The following LCLAT1 variants were observed in gnomAD, a reference collection of about 807,000 sequenced individuals.
LCLAT1 encodes lysocardiolipin acyltransferase 1, also known as 1-AGP acyltransferase 8.
LCLAT1 carries 11 observed loss-of-function variants against 30.7 expected under a neutral mutation model. That is an observed-to-expected ratio of 0.36 (90% CI 0.23 to 0.59). The LOEUF (loss-of-function observed/expected upper bound fraction) is 0.59. Among genes scored for constraint, LCLAT1 ranks in the 20% least tolerant of loss-of-function variants. The probability of loss-of-function intolerance (pLI) is 0.77; values close to 1 mark genes in which losing one functional copy is unlikely to be tolerated. For missense variants in LCLAT1, 402 were observed against 458.6 expected (o/e 0.88, Z 1.13); for synonymous variants, 155 against 151.3 (o/e 1.02, Z -0.18).
At chr2:30,464,614 A>C (rs949977243) in intron 1 of LCLAT1, among the ~76,000 whole-genome samples, 8 of 152,192 alleles carry the variant, frequency 5.3e-5, no homozygotes, top group Admixed American at 3.3e-4. Context: ...TGAGACTACA[A>C]AATTTGAGCA....
intron 1 of LCLAT1, among the ~76,000 whole-genome samples, chr2:30,502,367 T>G (rs1218248666): frequency 2.0e-5 from 3 of 152,236 alleles, no homozygotes; most frequent in Non-Finnish European, 2.9e-5. Flanking sequence ...TTATTTTTTT[T>G]GTTTTGAAAT....
At chr2:30,610,799 T>C (rs1343412660) in intron 5 of LCLAT1, among the ~76,000 whole-genome samples, 2 of 152,184 alleles carry the variant, frequency 1.3e-5, no homozygotes, top group Non-Finnish European at 2.9e-5. Context: ...AGAAGTTCAG[T>C]GTTATTAAAA....
intron 1 of LCLAT1, among the ~76,000 whole-genome samples, chr2:30,451,477 C>A (rs543146880): frequency 5.1e-4 from 77 of 152,306 alleles, no homozygotes; most frequent in Non-Finnish European, 9.6e-4. Context: ...TATTCATAAT[C>A]AAAAATTGGA....
At chr2:30,471,427 C>T (rs759656251) in intron 1 of LCLAT1, among the ~76,000 whole-genome samples, 1 of 152,050 alleles carries the variant, frequency 6.6e-6, no homozygotes, top group Admixed American at 6.5e-5. Flanking sequence ...CCAGGCTGGT[C>T]TTGAACTCCT....
At chr2:30,614,764 G>A (rs1050689765) in intron 5 of LCLAT1, among the ~76,000 whole-genome samples, 8 of 152,118 alleles carry the variant, frequency 5.3e-5, no homozygotes, top group African/African-American at 1.4e-4. Context: ...GACTGAAAGA[G>A]ATCACCTAAG....
Position 30,640,314 on chromosome 2 carries a change from A to G in LCLAT1, c.826A>G (p.Arg276Gly). 6.2e-7 allele frequency: 1 copy of G among 1,614,202 alleles called. No individual in the cohort carries two copies. Among genetic ancestry groups the G allele is most frequent in the East Asian group, 2.2e-5 (1 of 44,882 alleles). ...CAAACGGTGGGAAGAGAAAGAAGAG[A>G]GGCTGCGTTCCTTCTATCAAGGGGA... ...CHKRWEEKEE[R>G]LRSFYQGEKN... The change falls in exon 6 of 6, where the codon AGG becomes GGG. Residue 276 changes from arginine to glycine, a missense_variant. Transcript: ENST00000379509.
chr2:30,525,846 A>G (rs1685692414), intron 2 of LCLAT1, 91 bp downstream of exon 2: 3 of 1,116,628 alleles, frequency 2.7e-6, no homozygotes, highest in Non-Finnish European at 4.0e-6. Flanking sequence ...TCAAGTCCCT[A>G]CAGTATTTGC....
chr2:30,476,453 G>A (rs760809069), intron 1 of LCLAT1: 10 of 456,430 alleles, frequency 2.2e-5, no homozygotes, highest in Admixed American at 9.4e-5. Flanking sequence ...GCTCAGATCC[G>A]CCACTGCATT....
chr2:30,625,531 G>A (rs1268231252), intron 5 of LCLAT1, among the ~76,000 whole-genome samples: 4 of 152,122 alleles, frequency 2.6e-5, no homozygotes, highest in African/African-American at 9.7e-5. Flanking sequence ...CCCATCTTCA[G>A]CCAAATTTAC....
chr2:30,617,235 C>A (rs890929267), intron 5 of LCLAT1, among the ~76,000 whole-genome samples: 11 of 152,162 alleles, frequency 7.2e-5, no homozygotes, highest in Admixed American at 1.3e-4. Flanking sequence ...GATGTGCTTT[C>A]TGTCACCATA....
intron 1 of LCLAT1, among the ~76,000 whole-genome samples, chr2:30,512,400 T>C (rs1174918950): frequency 1.3e-5 from 2 of 152,320 alleles, no homozygotes; most frequent in Admixed American, 1.3e-4. Context: ...TCCATTCTTT[T>C]CTTTTGTCTG....
At chr2:30,502,080 AAGTT>A (rs1198831301) in intron 1 of LCLAT1, among the ~76,000 whole-genome samples, 1 of 152,204 alleles carries the variant, frequency 6.6e-6, no homozygotes, top group African/African-American at 2.4e-5. Flanking sequence ...TGGAAAATAA[AAGTT>A]AGGGAGGGAG....
At chr2:30,549,495 G>A (rs1002779790) in intron 3 of LCLAT1, among the ~76,000 whole-genome samples, 1 of 152,200 alleles carries the variant, frequency 6.6e-6, no homozygotes, top group African/African-American at 2.4e-5. Context: ...TTCAGAATTT[G>A]GAGGGAGCTT....
chr2:30,504,302 T>G (rs1684554291), intron 1 of LCLAT1, among the ~76,000 whole-genome samples: 1 of 152,058 alleles, frequency 6.6e-6, no homozygotes. Context: ...ACTTCATCAC[T>G]TAGTTCTTTT....
intron 3 of LCLAT1, among the ~76,000 whole-genome samples, chr2:30,547,628 T>C (rs1051415962): frequency 1.3e-5 from 2 of 152,020 alleles, no homozygotes; most frequent in Non-Finnish European, 2.9e-5. Context: ...CTTTTCTGCT[T>C]GTGGACAGTA....
intron 2 of LCLAT1, among the ~76,000 whole-genome samples, chr2:30,531,032 A>C (rs2148393242): frequency 6.6e-6 from 1 of 152,238 alleles, no homozygotes; most frequent in East Asian, 1.9e-4. Flanking sequence ...TTTGGAGGCC[A>C]AGGCGGGCGA....
chr2:30,513,555 T>C (rs993663087), intron 1 of LCLAT1, among the ~76,000 whole-genome samples: 1 of 152,202 alleles, frequency 6.6e-6, no homozygotes, highest in African/African-American at 2.4e-5. Context: ...TTATTCATTA[T>C]TTACTTTTTG....
chr2:30,449,658 G>C (rs547093648), intron 1 of LCLAT1, among the ~76,000 whole-genome samples: 1 of 151,924 alleles, frequency 6.6e-6, no homozygotes, highest in East Asian at 1.9e-4. Context: ...GTGCCACTAC[G>C]CCTGGCTAAT....
chr2:30,548,969 T>C (rs554131642), intron 3 of LCLAT1, among the ~76,000 whole-genome samples: 3 of 152,294 alleles, frequency 2.0e-5, no homozygotes, highest in East Asian at 1.9e-4. Flanking sequence ...CTTTCTTCCA[T>C]TGGGAAGAAA....
Sources: gnomAD v4.1 joint callset for allele counts (sites outside exome capture counted in the v4.1 genomes callset) on GRCh38, gnomAD v4.1.1 for gene constraint, MANE v1.5 for transcripts, NCBI Gene and HGNC (gene_info 2026-07-23, HGNC 2026-07-21) for gene names.